The following RPTOR variants were observed in gnomAD, a reference collection of about 807,000 sequenced individuals.
RPTOR encodes regulatory associated protein of MTOR complex 1, also known as regulatory-associated protein of mTOR.
In RPTOR, 21 loss-of-function variants were observed where a neutral mutation model predicts 169.9. The observed-to-expected ratio is 0.12, with a 90% CI of 0.09 to 0.18. RPTOR has a LOEUF of 0.18. RPTOR is among the 10% of genes least tolerant of loss of function. The pLI, the probability that RPTOR is intolerant of heterozygous loss-of-function variation, is 1.00. For missense variants in RPTOR, 1,133 were observed against 1,855.9 expected, an observed-to-expected ratio of 0.61 and a Z score of 7.16; for synonymous variants, 732 against 753.2, an observed-to-expected ratio of 0.97 and a Z score of 0.46.
At position 80,844,703 on chromosome 17, in the gene RPTOR, G is replaced by A. The variant is rs1315159643; in HGVS notation, c.1213-1770G>A. ...TAAGTCGGGCCACGGGGCTCTGCCC[G>A]CCAGGCTCCTCTGTGGAGGCTGCCG... On this transcript the variant is annotated intron_variant, in intron 10 of 33. Coordinates refer to ENST00000306801, the MANE Select transcript of RPTOR (RefSeq NM_020761.3). This position sits in a 1 kb window ranked among gnomAD's most constrained non-coding sequence, Gnocchi z 4.7. Among the ~76,000 whole-genome samples, 1 of 152,204 alleles carries A rather than the reference G, an allele frequency of 6.6e-6. No individual in the cohort carries two copies. The highest frequency in any genetic ancestry group is 1.5e-5 in the Non-Finnish European group (1 of 68,036).
At chr17:80,826,436 C>A (rs998253784) in intron 9 of RPTOR, among the ~76,000 whole-genome samples, 1 of 152,226 alleles carries the variant, frequency 6.6e-6, no homozygotes, top group African/African-American at 2.4e-5. Context: ...GCAGTAACCG[C>A]AGGTCTGGAC....
chr17:80,568,804 C>T (rs984599394), intron 1 of RPTOR, among the ~76,000 whole-genome samples: 10 of 152,050 alleles, frequency 6.6e-5, no homozygotes, highest in African/African-American at 1.9e-4. Context: ...AATGTCTTCG[C>T]GTTCTCTCAT....
intron 4 of RPTOR, among the ~76,000 whole-genome samples, chr17:80,724,649 A>G (rs938483021): frequency 6.6e-6 from 1 of 152,138 alleles, no homozygotes; most frequent in African/African-American, 2.4e-5. Context: ...TTCCAGGCTC[A>G]TCACATCTAC....
At chr17:80,898,299 TG>T (rs1567975684) in intron 20 of RPTOR, among the ~76,000 whole-genome samples, 2 of 152,206 alleles carry the variant, frequency 1.3e-5, no homozygotes, top group African/African-American at 4.8e-5. Flanking sequence ...CTGCTTTTAC[TG>T]ATATTCCCAA....
At chr17:80,948,093 G>A (rs992035498) in intron 27 of RPTOR, among the ~76,000 whole-genome samples, 1 of 152,252 alleles carries the variant, frequency 6.6e-6, no homozygotes, top group African/African-American at 2.4e-5. Context: ...GTGGAGACTA[G>A]AGAGCGCTGG....
At chr17:80,566,726 A>G (rs1246486730) in intron 1 of RPTOR, among the ~76,000 whole-genome samples, 1 of 142,880 alleles carries the variant, frequency 7.0e-6, no homozygotes, top group Non-Finnish European at 1.5e-5. Context: ...TGGGAGGCTG[A>G]GGCAGGAGAA....
At chr17:80,599,643 C>T (rs1027097551) in intron 1 of RPTOR, among the ~76,000 whole-genome samples, 3 of 152,208 alleles carry the variant, frequency 2.0e-5, no homozygotes, top group Non-Finnish European at 4.4e-5. Context: ...CCCTGCTACT[C>T]TGCCAATGTG....
intron 16 of RPTOR, 120 bp from the exon 17 acceptor site, chr17:80,884,888 G>A (rs1013045728): frequency 4.8e-5 from 63 of 1,318,322 alleles, no homozygotes; most frequent in Middle Eastern, 4.9e-4. Flanking sequence ...CTTGGGCCTG[G>A]AGAGCTGTTG....
At chr17:80,788,721 G>A (rs897857167) in intron 6 of RPTOR, among the ~76,000 whole-genome samples, 3 of 152,166 alleles carry the variant, frequency 2.0e-5, no homozygotes, top group East Asian at 1.9e-4. Flanking sequence ...AGAATGTGAC[G>A]ATTAAAAAAA....
chr17:80,811,369 G>A (rs953400999), intron 7 of RPTOR, among the ~76,000 whole-genome samples: 5 of 152,156 alleles, frequency 3.3e-5, no homozygotes, highest in Non-Finnish European at 7.3e-5. Context: ...CTGTTCAGAT[G>A]GTGCATCACA....
chr17:80,700,165 T>C (rs2143048390), intron 3 of RPTOR, among the ~76,000 whole-genome samples: 1 of 152,348 alleles, frequency 6.6e-6, no homozygotes, highest in South Asian at 2.1e-4. Flanking sequence ...GGCTGAAGTG[T>C]AGACTCTCAG....
At chr17:80,723,117 C>T (rs957277097) in intron 4 of RPTOR, among the ~76,000 whole-genome samples, 7 of 151,298 alleles carry the variant, frequency 4.6e-5, no homozygotes, top group Non-Finnish European at 8.8e-5. Flanking sequence ...TTTGGGGGTG[C>T]GTGGTGTGTG....
rs552094503 is a variant in RPTOR, at chr17:80,940,918, G to A, written c.3025+317G>A. ...TCTGCAAGGGCAGCCCTCAGCCCTCGGGATTATCAGCGCAGGTGGAACTCA... is the reference window on the plus strand; with the variant it reads ...TCTGCAAGGGCAGCCCTCAGCCCTCAGGATTATCAGCGCAGGTGGAACTCA... On this transcript the variant is annotated intron_variant, in intron 25 of 33. Coordinates refer to ENST00000306801, the MANE Select transcript of RPTOR (RefSeq NM_020761.3). 1.5e-4 allele frequency among the ~76,000 whole-genome samples: 23 copies of A among 152,326 alleles called. 1 individual carries two copies. The highest frequency in any genetic ancestry group is 9.2e-4 in the Admixed American group (14 of 15,300).
intron 1 of RPTOR, among the ~76,000 whole-genome samples, chr17:80,594,358 C>T (rs2065129405): frequency 6.6e-6 from 1 of 152,332 alleles, no homozygotes; most frequent in East Asian, 1.9e-4. Context: ...GCCCAAAGTG[C>T]TGGGATTACA....
rs974899935 is a variant in RPTOR at position 80,936,190 on chromosome 17, T to C, written c.2920-4306T>C. Among the ~76,000 whole-genome samples, 1 of 152,170 alleles carries C rather than the reference T, an allele frequency of 6.6e-6. No individual in the cohort carries two copies. The highest frequency in any genetic ancestry group is 1.5e-5 in the Non-Finnish European group (1 of 68,030). ...TACACACCTGTTAGAATGTCTCGAA[T>C]CTTAAAATCTACCAAGTGTTGGCAA... On this transcript the variant is annotated intron_variant, in intron 24 of 33. Coordinates refer to ENST00000306801, the MANE Select transcript of RPTOR (RefSeq NM_020761.3). The surrounding 1 kb of genome is among the most constrained non-coding windows in gnomAD (Gnocchi z 4.1).
chr17:80,837,243 A>G (rs903157491), intron 9 of RPTOR, among the ~76,000 whole-genome samples: 2 of 152,118 alleles, frequency 1.3e-5, no homozygotes, highest in Non-Finnish European at 2.9e-5. Flanking sequence ...TGGGGGGAGC[A>G]GCTCTATGCA....
chr17:80,962,245 G>A (rs773339707), intron 31 of RPTOR, among the ~76,000 whole-genome samples: 6 of 152,222 alleles, frequency 3.9e-5, no homozygotes, highest in Non-Finnish European at 8.8e-5. Context: ...GAGAGCTTGT[G>A]GGGGACAGCC....
intron 10 of RPTOR, among the ~76,000 whole-genome samples, chr17:80,841,140 G>T (rs1325466190): frequency 1.8e-5 from 2 of 113,722 alleles, no homozygotes; most frequent in Non-Finnish European, 3.4e-5. Flanking sequence ...CCGCACGGCA[G>T]CTCACTCTCA....
chr17:80,554,967 TATATC>T (rs1471560218), intron 1 of RPTOR, among the ~76,000 whole-genome samples: 5 of 152,198 alleles, frequency 3.3e-5, no homozygotes, highest in African/African-American at 1.2e-4. Flanking sequence ...AATTCATAAA[TATATC>T]AATTATGTTT....
Sources: allele counts gnomAD v4.1 joint callset (sites outside exome capture counted in the v4.1 genomes callset), GRCh38; gene constraint gnomAD v4.1.1; non-coding constraint Gnocchi (gnomAD v3.1); transcripts MANE v1.5; gene names NCBI Gene and HGNC (gene_info 2026-07-23, HGNC 2026-07-21).